The following ABCC9 variants were observed in gnomAD, a reference collection of about 807,000 sequenced individuals.
The protein encoded by ABCC9 is ATP-binding cassette sub-family C member 9.
Under a neutral mutation model 188.3 loss-of-function variants are expected in ABCC9, and 95 were observed. That is an observed-to-expected ratio of 0.50 (90% CI 0.43 to 0.60). ABCC9 has a LOEUF of 0.60. ABCC9 is among the 20% of genes least tolerant of loss of function. The probability of loss-of-function intolerance (pLI) is 0.00; values close to 1 mark genes in which losing one functional copy is unlikely to be tolerated. For missense variants in ABCC9, 1,102 were observed against 1,876.3 expected, an observed-to-expected ratio of 0.59 and a Z score of 7.62; for synonymous variants, 659 against 652.7, an observed-to-expected ratio of 1.01 and a Z score of -0.15.
In ABCC9 at chr12:21,844,811, A is replaced by G. The variant is rs761506474; in HGVS notation, c.3201T>C (p.Asn1067=). ...VEWMGLTAAK[N]LHHNLLNKII... is the part of the protein sequence containing the mutation. ...TCTTATTGAGAAGGTTGTGGTGAAGATTTTTGGCAGCTGTGAGACCCATCC... is the reference window on the plus strand; with the variant it reads ...TCTTATTGAGAAGGTTGTGGTGAAGGTTTTTGGCAGCTGTGAGACCCATCC... The change falls in exon 27 of 40, where the codon AAT becomes AAC. Residue 1067 remains asparagine, a synonymous_variant. Transcript: ENST00000261200. 1.5e-5 allele frequency: 24 copies of G among 1,613,988 alleles called. 1 individual carries two copies. The South Asian group carries it at 2.3e-4, about 16-fold the overall frequency.
chr12:21,921,122 T>A (rs995406327), intron 5 of ABCC9, among the ~76,000 whole-genome samples: 3 of 152,064 alleles, frequency 2.0e-5, no homozygotes, highest in African/African-American at 7.2e-5. Context: ...GTAGCTCAAC[T>A]TTTTGTTTTT....
At chr12:21,899,823 TG>T (rs1216224569) in intron 12 of ABCC9, among the ~76,000 whole-genome samples, 1 of 152,180 alleles carries the variant, frequency 6.6e-6, no homozygotes, top group African/African-American at 2.4e-5. Context: ...AAGCTCAAAC[TG>T]GGTGGAACCC....
chr12:21,822,376 G>T (rs1943091482), intron 31 of ABCC9, among the ~76,000 whole-genome samples: 1 of 148,656 alleles, frequency 6.7e-6, no homozygotes, highest in South Asian at 2.1e-4. Flanking sequence ...ATTTTATCTT[G>T]ATTTGCATAA....
chr12:21,904,026 C>A (rs1366861009), intron 12 of ABCC9, among the ~76,000 whole-genome samples: 1 of 152,188 alleles, frequency 6.6e-6, no homozygotes, highest in Non-Finnish European at 1.5e-5. Flanking sequence ...TGACTTCAAA[C>A]CATACTACAA....
intron 39 of ABCC9, 21 bp from the exon 40 acceptor site, chr12:21,801,202 T>G: frequency 1.2e-6 from 2 of 1,613,482 alleles, no homozygotes; most frequent in Non-Finnish European, 1.7e-6. Flanking sequence ...AAAGAAAACA[T>G]GTATTTGTTA....
intron 12 of ABCC9, among the ~76,000 whole-genome samples, chr12:21,898,097 G>T (rs1232250273): frequency 1.2e-4 from 19 of 152,290 alleles, no homozygotes; most frequent in African/African-American, 4.6e-4. Context: ...GTTAAAGGCT[G>T]CAGTGAGCTA....
intron 21 of ABCC9, 61 bp from the exon 22 acceptor site, chr12:21,859,727 T>G (rs1945410167): frequency 7.2e-7 from 1 of 1,392,652 alleles, no homozygotes. Context: ...CTTTTGGTAA[T>G]ATGACCTTAA....
chr12:21,852,042 A>G, intron 24 of ABCC9, 55 bp downstream of exon 24: 1 of 1,605,312 alleles, frequency 6.2e-7, no homozygotes, highest in Non-Finnish European at 8.5e-7. Flanking sequence ...GTAATTAGTA[A>G]ATTTCTAACT....
intron 8 of ABCC9, 25 bp from the exon 9 acceptor site, chr12:21,911,003 C>G (rs1248419362): frequency 6.2e-7 from 1 of 1,610,468 alleles, no homozygotes; most frequent in Non-Finnish European, 8.5e-7. Flanking sequence ...AAAAAAGTGT[C>G]ATATTAAAAC....
chr12:21,852,315 T>C, intron 23 of ABCC9, 53 bp downstream of exon 23: 1 of 1,612,680 alleles, frequency 6.2e-7, no homozygotes, highest in Non-Finnish European at 8.5e-7. Flanking sequence ...TTACTGTCTC[T>C]ATTTATATGA....
intron 4 of ABCC9, among the ~76,000 whole-genome samples, chr12:21,928,309 T>TGGAA (rs1565493841): frequency 1.5e-4 from 3 of 19,420 alleles, no homozygotes; most frequent in Non-Finnish European, 2.9e-4. Context: ...GAAGGGAGGG[T>TGGAA]GGGAGGGAAG....
intron 31 of ABCC9, chr12:21,827,241 A>G (rs555956306): frequency 2.0e-6 from 2 of 985,284 alleles, no homozygotes; most frequent in African/African-American, 1.7e-5. Context: ...TCTTCTGGCT[A>G]TGAGAACAGA....
chr12:21,830,905 A>G (rs1455380142), intron 30 of ABCC9, among the ~76,000 whole-genome samples: 1 of 152,112 alleles, frequency 6.6e-6, no homozygotes, highest in Non-Finnish European at 1.5e-5. Context: ...ATAGAGAACA[A>G]CTGAAGGGTA....
chr12:21,814,727 GA>G lies in ABCC9; in HGVS notation c.4024-6del. On this transcript the variant is annotated splice_polypyrimidine_tract_variant and splice_region_variant and intron_variant, in intron 34 of 39. Coordinates refer to ENST00000261200, the MANE Select transcript of ABCC9 (RefSeq NM_020297.4). The stretch of plus-strand genomic sequence containing the variant: ...AGTGCGACCACATATGCCCACCTAG[GA>G]AAACAGCTGTCACTCAAAGAGAAGA... 2 of 1,613,326 alleles carry G rather than the reference GA, an allele frequency of 1.2e-6. No individual in the cohort carries two copies. The highest frequency in any genetic ancestry group is 2.2e-5 in the South Asian group (2 of 91,074).
chr12:21,805,915 G>A, intron 39 of ABCC9, 83 bp downstream of exon 39: 1 of 1,253,328 alleles, frequency 8.0e-7, no homozygotes, highest in Non-Finnish European at 1.2e-6. Flanking sequence ...TTCAACACAA[G>A]TATATTTTGC....
chr12:21,916,223 G>T (rs1044495753), intron 6 of ABCC9, among the ~76,000 whole-genome samples: 8 of 152,108 alleles, frequency 5.3e-5, no homozygotes, highest in Non-Finnish European at 1.0e-4. Context: ...ACCAAATGAA[G>T]GTTTTTACTT....
intron 2 of ABCC9, among the ~76,000 whole-genome samples, chr12:21,939,087 G>T (rs1949599785): frequency 6.6e-6 from 1 of 152,112 alleles, no homozygotes; most frequent in Admixed American, 6.5e-5. Flanking sequence ...TATTGTAGGG[G>T]TATATGATCT....
chr12:21,893,931 G>C, intron 14 of ABCC9, 101 bp downstream of exon 14: 1 of 1,198,064 alleles, frequency 8.3e-7, no homozygotes, highest in Non-Finnish European at 1.2e-6. Context: ...TCTCCTGGCA[G>C]TGATTTTAAT....
chr12:21,900,693 T>C (rs1947699365), intron 12 of ABCC9, among the ~76,000 whole-genome samples: 1 of 152,080 alleles, frequency 6.6e-6, no homozygotes, highest in Non-Finnish European at 1.5e-5. Context: ...TTTGATCAAC[T>C]GGAGGAAAGG....
Sources: allele counts gnomAD v4.1 joint callset (sites outside exome capture counted in the v4.1 genomes callset), GRCh38; gene constraint gnomAD v4.1.1; transcripts MANE v1.5; gene names NCBI Gene and HGNC (gene_info 2026-07-23, HGNC 2026-07-21).